The following ARHGAP39 variants were observed in gnomAD, a reference collection of about 807,000 sequenced individuals.
The protein encoded by ARHGAP39 is rho GTPase-activating protein 39.
In ARHGAP39, 44 loss-of-function variants were observed where a neutral mutation model predicts 106.9. The observed-to-expected ratio is 0.41, with a 90% CI of 0.32 to 0.53. The LOEUF (loss-of-function observed/expected upper bound fraction) is 0.53. Ranked by LOEUF, ARHGAP39 falls within the 20% of genes least tolerant of loss-of-function variation. ARHGAP39 has a pLI of 0.21. For missense variants in ARHGAP39, 1,496 were observed against 1,577.3 expected (o/e 0.95, Z 0.87); for synonymous variants, 768 against 693.2 (o/e 1.11, Z -1.69).
chr8:144,662,268 A>G (rs991640275), intron 1 of ARHGAP39, among the ~76,000 whole-genome samples: 4 of 122,382 alleles, frequency 3.3e-5, no homozygotes, highest in African/African-American at 1.3e-4. Flanking sequence ...CCCATTATCC[A>G]CCTTGGACCA....
intron 1 of ARHGAP39, among the ~76,000 whole-genome samples, chr8:144,681,452 TAA>T (rs1822415774): frequency 2.0e-5 from 3 of 152,170 alleles, no homozygotes; most frequent in Non-Finnish European, 4.4e-5. Flanking sequence ...ACGGATCGCA[TAA>T]GGTCTATGAC....
rs866646294 is a variant in ARHGAP39, at chr8:144,568,898, T to C, written c.512+11948A>G. Among the ~76,000 whole-genome samples, 5 of 150,512 alleles carry C rather than the reference T, an allele frequency of 3.3e-5. No individual in the cohort carries two copies. In the South Asian group the frequency reaches 1.0e-3, roughly 32 times the overall value. On this transcript the variant is annotated intron_variant, in intron 3 of 11. Transcript: ENST00000377307. The stretch of plus-strand genomic sequence containing the variant: ...GAAAAAAAAAAGAGGAAAAAGGGAT[T>C]GAGAACAAAAGAGACAACAAATCAA...
At chr8:144,667,774 G>A (rs1033122532) in intron 1 of ARHGAP39, among the ~76,000 whole-genome samples, 10 of 152,162 alleles carry the variant, frequency 6.6e-5, no homozygotes, top group African/African-American at 2.4e-4. Flanking sequence ...TATGAAACAG[G>A]ACCAAGAGCA....
At chr8:144,557,820 G>C (rs1388399797) in intron 3 of ARHGAP39, among the ~76,000 whole-genome samples, 1 of 152,210 alleles carries the variant, frequency 6.6e-6, no homozygotes, top group African/African-American at 2.4e-5. Context: ...ATGAAAGTCA[G>C]GGCAAGAATT....
At chr8:144,554,984 C>T (rs1003317892) in intron 4 of ARHGAP39, among the ~76,000 whole-genome samples, 2 of 152,086 alleles carry the variant, frequency 1.3e-5, no homozygotes, top group Admixed American at 6.5e-5. Context: ...CCTGGCCCTG[C>T]ATCTCCCACA....
intron 1 of ARHGAP39, among the ~76,000 whole-genome samples, chr8:144,662,961 G>C (rs1821871908): frequency 7.1e-6 from 1 of 141,562 alleles, no homozygotes; most frequent in Non-Finnish European, 1.5e-5. Flanking sequence ...ACTCACCTTG[G>C]GTCACTCCCT....
chr8:144,596,864 G>C (rs1014413035), intron 2 of ARHGAP39, among the ~76,000 whole-genome samples: 1 of 152,190 alleles, frequency 6.6e-6, no homozygotes, highest in African/African-American at 2.4e-5. Context: ...CCTAAGCACC[G>C]GAGGGCGCAG....
rs772906699 is a variant in ARHGAP39, at chr8:144,591,331, C to T, written c.81-10054G>A. On this transcript the variant is annotated intron_variant, in intron 2 of 11. Coordinates refer to ENST00000377307, the MANE Select transcript of ARHGAP39 (RefSeq NM_025251.3). This position sits in a 1 kb window ranked among gnomAD's most constrained non-coding sequence, Gnocchi z 5.3. ...AAAGGACAACGGCAGATGCAGCAGC[C>T]TCAGGGCACCCAAGGAAACCCCAAG... is the stretch of plus-strand genomic sequence containing the variant. Among the ~76,000 whole-genome samples, 11 of 152,284 alleles carry T rather than the reference C, an allele frequency of 7.2e-5. No individual in the cohort carries two copies. The highest frequency in any genetic ancestry group is 2.6e-4 in the Admixed American group (4 of 15,306).
chr8:144,692,748 C>CTTTTTTTT, the ARHGAP39 span, among the ~76,000 whole-genome samples: 9 of 69,042 alleles, frequency 1.3e-4, no homozygotes, highest in Non-Finnish European at 2.1e-4. Flanking sequence ...TTGTAAAATT[C>CTTTTTTTT]TTTTTTTTTT....
At chr8:144,615,475 C>T (rs1820609402) in intron 1 of ARHGAP39, among the ~76,000 whole-genome samples, 1 of 152,148 alleles carries the variant, frequency 6.6e-6, no homozygotes, top group Non-Finnish European at 1.5e-5. Flanking sequence ...TCCAAAAATC[C>T]ATTCTTGTTA....
At chr8:144,637,502 C>A (rs534824624) in intron 1 of ARHGAP39, among the ~76,000 whole-genome samples, 1 of 152,120 alleles carries the variant, frequency 6.6e-6, no homozygotes, top group Non-Finnish European at 1.5e-5. Context: ...CCCAGCTACT[C>A]AGGAGGTTGA....
rs111540212 is a variant in ARHGAP39 at position 144,586,666 on chromosome 8, C to T, written c.81-5389G>A. Among the ~76,000 whole-genome samples the T allele has an allele frequency of 0.1, 15,905 of 152,258 alleles. 2,034 individuals carry two copies. Among genetic ancestry groups the T allele is most frequent in the African/African-American group, 0.3 (12,387 of 41,518 alleles). ...CTGGCTGATGCAGGTACCACACCCA[C>T]TTCCAGGCACCGGGTCCCATGCTGA... On this transcript the variant is annotated intron_variant, in intron 2 of 11. Transcript: ENST00000377307. The surrounding 1 kb of genome is among the most constrained non-coding windows in gnomAD (Gnocchi z 4.2).
At chr8:144,637,386 C>T (rs941036650) in intron 1 of ARHGAP39, among the ~76,000 whole-genome samples, 5 of 152,054 alleles carry the variant, frequency 3.3e-5, no homozygotes, top group South Asian at 2.1e-4. Context: ...CTGAGGTGAG[C>T]GGATCATGAG....
At chr8:144,661,815 T>C in intron 1 of ARHGAP39, among the ~76,000 whole-genome samples, 1 of 151,886 alleles carries the variant, frequency 6.6e-6, no homozygotes, top group East Asian at 1.9e-4. Context: ...GTGTCTCTAT[T>C]ATCCACCTTG....
chr8:144,556,917 A>T (rs996172845), intron 3 of ARHGAP39, among the ~76,000 whole-genome samples: 9 of 136,308 alleles, frequency 6.6e-5, no homozygotes. Flanking sequence ...AAAAGGCTGA[A>T]CCTTCATAGT....
intron 3 of ARHGAP39, among the ~76,000 whole-genome samples, chr8:144,559,024 T>C (rs1225274895): frequency 6.6e-6 from 1 of 152,006 alleles, no homozygotes; most frequent in Non-Finnish European, 1.5e-5. Flanking sequence ...CTGGCCAATA[T>C]GGTGAAACCC....
intron 4 of ARHGAP39, among the ~76,000 whole-genome samples, chr8:144,549,953 C>G (rs1051251752): frequency 2.6e-5 from 4 of 152,190 alleles, no homozygotes; most frequent in African/African-American, 7.2e-5. Context: ...GCTTCTATAA[C>G]AAAATACTAC....
At chr8:144,609,323 C>T (rs1384285477) in intron 1 of ARHGAP39, among the ~76,000 whole-genome samples, 1 of 151,596 alleles carries the variant, frequency 6.6e-6, no homozygotes, top group African/African-American at 2.4e-5. Flanking sequence ...AGCTGGATTC[C>T]ATCAATTAAT....
At chr8:144,698,756 G>C in the ARHGAP39 span, 1 of 452,040 alleles carries the variant, frequency 2.2e-6, no homozygotes, top group Non-Finnish European at 4.4e-6. Flanking sequence ...CCTTTTCCAT[G>C]AGTGTCCTTG....
Sources: allele counts gnomAD v4.1 joint callset (sites outside exome capture counted in the v4.1 genomes callset), GRCh38; gene constraint gnomAD v4.1.1; non-coding constraint Gnocchi (gnomAD v3.1); transcripts MANE v1.5; gene names NCBI Gene and HGNC (gene_info 2026-07-23, HGNC 2026-07-21).